The following MRPS18B variants were observed in gnomAD, a reference collection of about 807,000 sequenced individuals.
MRPS18B encodes small ribosomal subunit protein mS40.
Under a neutral mutation model 28.4 loss-of-function variants are expected in MRPS18B, and 27 were observed. That is an observed-to-expected ratio of 0.95 (90% CI 0.70 to 1.31). The LOEUF is 1.31. Ranked by LOEUF, MRPS18B falls within the 40% of genes most tolerant of loss-of-function variation. The pLI is 0.00. For synonymous variants in MRPS18B, 118 were observed against 123.7 expected (o/e 0.95, Z 0.30); for missense variants, 343 against 335.9 (o/e 1.02, Z -0.17).
chr6:30,625,697 AAG>A lies in MRPS18B; in HGVS notation c.682_683del (p.Ser228TrpfsTer5). On this transcript the variant is annotated frameshift_variant, in exon 7 of 7. Transcript: ENST00000259873. LOFTEE classifies it low-confidence loss of function (END_TRUNC). ...CGGCTTTACCAGGGTCATCTCCAAG[AAG>A]AGAGTGGCCCCCCACCTGAGTCAAT... is the stretch of plus-strand genomic sequence containing the variant. The A allele has an allele frequency of 5.6e-6, 9 of 1,613,016 alleles. No individual in the cohort carries two copies. The highest frequency in any genetic ancestry group is 7.6e-6 in the Non-Finnish European group (9 of 1,180,006).
chr6:30,619,089 T>C (rs1244074375), intron 1 of MRPS18B, among the ~76,000 whole-genome samples: 1 of 152,160 alleles, frequency 6.6e-6, no homozygotes, highest in African/African-American at 2.4e-5. Context: ...AACTAATTTT[T>C]GTATTTTTAG....
Position 30,617,860 on chromosome 6 carries a change from G to A in MRPS18B, c.-6G>A. Reference sequence around the variant, plus strand: ...CCGTCAATTCCTGTCCTGGGCGTACGTCAAGATGGCGGCGTCTGTATTAAA... The same window carrying A: ...CCGTCAATTCCTGTCCTGGGCGTACATCAAGATGGCGGCGTCTGTATTAAA... On this transcript the variant is annotated 5_prime_UTR_variant, in exon 1 of 7. Coordinates refer to ENST00000259873, the MANE Select transcript of MRPS18B (RefSeq NM_014046.4). 6.2e-7 allele frequency: 1 copy of A among 1,614,192 alleles called. No individual in the cohort carries two copies. The highest frequency in any genetic ancestry group is 8.5e-7 in the Non-Finnish European group (1 of 1,180,050).
chr6:30,625,961 G>A lies in MRPS18B; in HGVS notation c.*164G>A. The stretch of plus-strand genomic sequence containing the variant: ...ACCAAAAAATACAAAAATTAGCTGG[G>A]TGTGGTGGTGCACACCTGTAGTCTC... On this transcript the variant is annotated 3_prime_UTR_variant, in exon 7 of 7. Transcript: ENST00000259873. 1.4e-6 allele frequency: 1 copy of A among 703,100 alleles called. No individual in the cohort carries two copies. The highest frequency in any genetic ancestry group is 2.3e-6 in the Non-Finnish European group (1 of 431,424). The allele number at this position is 703,100 out of a possible 1,614,324, so 43.6% of individuals were successfully genotyped here. A position where few individuals can be genotyped will look rare whatever the true frequency, so the allele number is the denominator to read the frequency against.
chr6:30,624,220 G>A lies in MRPS18B; in HGVS notation c.422-663G>A, dbSNP rs532928184. Among the ~76,000 whole-genome samples the A allele has an allele frequency of 1.8e-3, 269 of 152,246 alleles. 2 individuals carry two copies. Among genetic ancestry groups the A allele is most frequent in the Admixed American group, 5.6e-3 (86 of 15,280 alleles). On this transcript the variant is annotated intron_variant, in intron 5 of 6. Transcript: ENST00000259873. ...CAGTTCTCCTGCCTCAGCCTCCCAA[G>A]TAGCTGGGATTACAGGCACGTGCCA...
chr6:30,618,109 C>G (rs1760850565), intron 1 of MRPS18B, among the ~76,000 whole-genome samples, 166 bp downstream of exon 1: 1 of 146,784 alleles, frequency 6.8e-6, no homozygotes. Flanking sequence ...ATTTTCTAAT[C>G]CCGAGCCGAG....
chr6:30,622,079 T>C (rs1313976411), intron 4 of MRPS18B, among the ~76,000 whole-genome samples: 1 of 152,194 alleles, frequency 6.6e-6, no homozygotes, highest in Admixed American at 6.5e-5. Flanking sequence ...AGAGTCTCAT[T>C]TCCTAGTTAA....
At chr6:30,624,240 G>A (rs987870072) in intron 5 of MRPS18B, among the ~76,000 whole-genome samples, 2 of 152,050 alleles carry the variant, frequency 1.3e-5, no homozygotes, top group Non-Finnish European at 2.9e-5. Flanking sequence ...TTACAGGCAC[G>A]TGCCACTGTG....
rs758422584 is a variant in MRPS18B at position 30,619,757 on chromosome 6, G to A, written c.236G>A (p.Arg79His). The change falls in exon 3 of 7, where the codon CGC becomes CAC. Residue 79 changes from arginine to histidine, a missense_variant. Arg to His is a conservative substitution (Grantham distance 29, BLOSUM62 0). Coordinates refer to ENST00000259873, the MANE Select transcript of MRPS18B (RefSeq NM_014046.4). ...GSRPVWADYR[R>H]NHKGGVPPQR... Reference sequence around the variant, plus strand: ...CGCCCCGTCTGGGCTGACTACCGCCGCAACCACAAGGGTGGTGTACCCCCA... The same window carrying A: ...CGCCCCGTCTGGGCTGACTACCGCCACAACCACAAGGGTGGTGTACCCCCA... The A allele has an allele frequency of 8.1e-6, 13 of 1,614,206 alleles. No homozygotes were observed. Among genetic ancestry groups the A allele is most frequent in the Admixed American group, 1.7e-5 (1 of 60,030 alleles).
chr6:30,622,819 C>CT lies in MRPS18B; in HGVS notation c.355-10dup. ...CTCTTTTCCTCACGTTTCTCTACCA[C>CT]TTTCCCCCACAGAACGTGAAGCTCT... On this transcript the variant is annotated splice_polypyrimidine_tract_variant and intron_variant, in intron 4 of 6. Coordinates refer to ENST00000259873, the MANE Select transcript of MRPS18B (RefSeq NM_014046.4). 1 of 1,612,820 alleles carries CT rather than the reference C, an allele frequency of 6.2e-7. No homozygotes were observed. The highest frequency in any genetic ancestry group is 8.5e-7 in the Non-Finnish European group (1 of 1,179,852).
intron 5 of MRPS18B, 82 bp downstream of exon 5, chr6:30,622,980 T>A (rs1761263111): frequency 6.5e-6 from 9 of 1,382,240 alleles, no homozygotes; most frequent in Non-Finnish European, 8.2e-6. Flanking sequence ...AGGTATTTGT[T>A]CAGTGGCTCC....
intron 1 of MRPS18B, among the ~76,000 whole-genome samples, chr6:30,619,063 G>T (rs950067504): frequency 2.0e-5 from 3 of 151,994 alleles, no homozygotes; most frequent in African/African-American, 7.3e-5. Context: ...GACTACAGGC[G>T]CATGCCACCA....
chr6:30,619,904 T>G lies in MRPS18B; in HGVS notation c.286-17T>G. On this transcript the variant is annotated splice_polypyrimidine_tract_variant and intron_variant, in intron 3 of 6. Transcript: ENST00000259873. Reference sequence around the variant, plus strand: ...GTGTTTGAACATCCTTAACTGCTGTTTTTTTTCTCTCTACAGCGTCGGAAT... The same window carrying G: ...GTGTTTGAACATCCTTAACTGCTGTGTTTTTTCTCTCTACAGCGTCGGAAT... The G allele has an allele frequency of 1.9e-6, 3 of 1,614,092 alleles. No individual in the cohort carries two copies. The East Asian group carries it at 6.7e-5, about 36-fold the overall frequency.
chr6:30,619,893 T>C, intron 3 of MRPS18B, 28 bp from the exon 4 acceptor site: 1 of 1,613,526 alleles, frequency 6.2e-7, no homozygotes, highest in Non-Finnish European at 8.5e-7. Flanking sequence ...TTGAACATCC[T>C]TAACTGCTGT....
rs1561863401 is a variant in MRPS18B, at chr6:30,617,877, TG to T, written c.13del (p.Val5TyrfsTer2). ...GGGCGTACGTCAAGATGGCGGCGTC[TG>T]TATTAAACACCGTGCTGAGGCGGCT... Reference protein sequence around the residue: MAASVLNTVLRRLPM... With the variant: MAASXLNTVLRRLPM... On this transcript the variant is annotated frameshift_variant, in exon 1 of 7. Coordinates refer to ENST00000259873, the MANE Select transcript of MRPS18B (RefSeq NM_014046.4). LOFTEE classifies it high-confidence loss of function. 3 of 1,614,100 alleles carry T rather than the reference TG, an allele frequency of 1.9e-6. No homozygotes were observed. The highest frequency in any genetic ancestry group is 2.5e-6 in the Non-Finnish European group (3 of 1,180,046).
At position 30,619,488 on chromosome 6, in the gene MRPS18B, T is replaced by C. The variant is rs1275439124; in HGVS notation, c.79-5T>C. On this transcript the variant is annotated splice_region_variant and splice_polypyrimidine_tract_variant and intron_variant, in intron 1 of 6. Coordinates refer to ENST00000259873, the MANE Select transcript of MRPS18B (RefSeq NM_014046.4). ...ATTCTTTTATTTTTTTCTTCTCCTT[T>C]GTAGGTTCCCCTCCAGACTCTTTGC... The C allele has an allele frequency of 6.2e-7, 1 of 1,609,178 alleles. No homozygotes were observed. The highest frequency in any genetic ancestry group is 8.5e-7 in the Non-Finnish European group (1 of 1,176,698).
rs752656465 is a variant in MRPS18B, at chr6:30,619,541, T to C, written c.127T>C (p.Leu43=). 1.2e-5 allele frequency: 19 copies of C among 1,612,970 alleles called. No homozygotes were observed. The highest frequency in any genetic ancestry group is 4.0e-5 in the African/African-American group (3 of 74,932). The change falls in exon 2 of 7, where the codon TTG becomes CTG. Residue 43 remains leucine (L), a synonymous_variant. Coordinates refer to ENST00000259873, the MANE Select transcript of MRPS18B (RefSeq NM_014046.4). ...CAAAGCTCCCTCTGAGGAAGATTCT[T>C]TGTCCTCAGTTCCCATTTCTCCTTA... ...CTKAPSEEDS[L]SSVPISPYKD... is the part of the protein sequence containing the mutation.
At chr6:30,624,280 G>A (rs1309678066) in intron 5 of MRPS18B, among the ~76,000 whole-genome samples, 1 of 151,832 alleles carries the variant, frequency 6.6e-6, no homozygotes, top group South Asian at 2.1e-4. Flanking sequence ...ATTTTTAGTA[G>A]AGACAGGGTT....
Position 30,619,590 on chromosome 6 carries a change from T to C in MRPS18B, c.176T>C (p.Leu59Pro), listed in dbSNP as rs1243475665. Residue 59 changes from leucine to proline, a missense_variant, in exon 2 of 7, where the codon CTG becomes CCG. Transcript: ENST00000259873. Reference sequence around the variant, plus strand: ...TATAAGGATGAGCCCTGGAAATATCTGGAATCAGAAGGTACCTCTAAAGGG... The same window carrying C: ...TATAAGGATGAGCCCTGGAAATATCCGGAATCAGAAGGTACCTCTAAAGGG... ...SPYKDEPWKY[L>P]ESEEYQERYG... 3 of 1,612,616 alleles carry C rather than the reference T, an allele frequency of 1.9e-6. No homozygotes were observed. Among genetic ancestry groups the C allele is most frequent in the Non-Finnish European group, 1.7e-6 (2 of 1,179,718 alleles).
intron 4 of MRPS18B, among the ~76,000 whole-genome samples, chr6:30,621,527 T>G (rs1012795216): frequency 1.3e-5 from 2 of 152,204 alleles, no homozygotes; most frequent in Non-Finnish European, 2.9e-5. Flanking sequence ...AGGGAAGTAG[T>G]AGAGCATTTG....
Sources: gnomAD v4.1 joint callset for allele counts (sites outside exome capture counted in the v4.1 genomes callset) on GRCh38, gnomAD v4.1.1 for gene constraint, MANE v1.5 for transcripts, NCBI Gene and HGNC (gene_info 2026-07-23, HGNC 2026-07-21) for gene names.